TMEM132B: variants seen among roughly 807,000 people sequenced by gnomAD.
TMEM132B encodes the protein transmembrane protein 132B.
A neutral mutation model predicts 90.8 loss-of-function variants in TMEM132B; 18 were observed. The observed-to-expected ratio is 0.20, with a 90% CI of 0.14 to 0.29. The LOEUF is 0.29. Among genes scored for constraint, TMEM132B ranks in the 10% least tolerant of loss-of-function variants. The pLI is 1.00. For missense variants in TMEM132B, 1,096 were observed against 1,326.8 expected (o/e 0.83, Z 2.70); for synonymous variants, 504 against 523.3 (o/e 0.96, Z 0.50).
At chr12:125,644,518 T>C (rs545254056) in intron 6 of TMEM132B, among the ~76,000 whole-genome samples, 126 of 152,340 alleles carry the variant, frequency 8.3e-4, no homozygotes, top group Non-Finnish European at 1.6e-3. Context: ...GAATAGTTGC[T>C]AGGATTCAGT....
intron 5 of TMEM132B, among the ~76,000 whole-genome samples, chr12:125,605,295 A>T (rs1885666085): frequency 6.6e-6 from 1 of 152,184 alleles, no homozygotes; most frequent in Non-Finnish European, 1.5e-5. Context: ...ATATCGGGAC[A>T]CATTCCCTTG....
At chr12:125,259,004 A>G (rs1054923815) in intron 1 of TMEM132B, among the ~76,000 whole-genome samples, 11 of 152,124 alleles carry the variant, frequency 7.2e-5, no homozygotes, top group Non-Finnish European at 4.4e-5. Context: ...CAACAACACC[A>G]TGGCCAGTTG....
intron 1 of TMEM132B, among the ~76,000 whole-genome samples, chr12:125,193,005 A>G (rs1157259404): frequency 5.9e-5 from 9 of 152,178 alleles, no homozygotes; most frequent in African/African-American, 1.9e-4. Flanking sequence ...TGCTGATGCC[A>G]TTGTTGTGCT....
At chr12:125,238,203 C>T (rs1018474595) in intron 1 of TMEM132B, among the ~76,000 whole-genome samples, 2 of 151,460 alleles carry the variant, frequency 1.3e-5, no homozygotes, top group East Asian at 1.9e-4. Flanking sequence ...CTCAAGTGGT[C>T]GCCTCTGTTT....
intron 1 of TMEM132B, among the ~76,000 whole-genome samples, chr12:125,347,992 G>A (rs77862172): frequency 0.043 from 6,604 of 152,082 alleles, 468 homozygotes; most frequent in African/African-American, 0.15. Flanking sequence ...AAAAACTTTC[G>A]CCTTTGGGTT....
chr12:125,315,698 G>A (rs10744202), intron 1 of TMEM132B, among the ~76,000 whole-genome samples: 112,013 of 152,104 alleles, frequency 0.74, 42,261 homozygotes, highest in African/African-American at 0.89. Context: ...TAGAGCTGGG[G>A]TTGGAGCCTC....
At position 125,408,586 on chromosome 12, in the gene TMEM132B, T is replaced by C. The variant is rs1444769030; in HGVS notation, c.960-6945T>C. On this transcript the variant is annotated intron_variant, in intron 2 of 8. Coordinates refer to ENST00000682704, the MANE Select transcript of TMEM132B (RefSeq NM_001366854.1). This position sits in a 1 kb window ranked among gnomAD's most constrained non-coding sequence, Gnocchi z 5.9. Reference sequence around the variant, plus strand: ...TCTGTTGTTTATAAGCCTCCAAGTTTGTGGTATTTTGTTAGACTGTCCCGA... The same window carrying C: ...TCTGTTGTTTATAAGCCTCCAAGTTCGTGGTATTTTGTTAGACTGTCCCGA... Among the ~76,000 whole-genome samples the C allele has an allele frequency of 6.6e-6, 1 of 152,200 alleles. No homozygotes were observed. Among genetic ancestry groups the C allele is most frequent in the Non-Finnish European group, 1.5e-5 (1 of 68,036 alleles).
chr12:125,339,930 C>A (rs948427487), intron 1 of TMEM132B, among the ~76,000 whole-genome samples: 24 of 152,170 alleles, frequency 1.6e-4, no homozygotes, highest in African/African-American at 5.5e-4. Flanking sequence ...CCATAACACT[C>A]CTACATAATA....
intron 5 of TMEM132B, among the ~76,000 whole-genome samples, chr12:125,639,486 C>T (rs1489318196): frequency 6.6e-6 from 1 of 152,168 alleles, no homozygotes; most frequent in Non-Finnish European, 1.5e-5. Flanking sequence ...ACTTCTATGG[C>T]GCTGTGCTAT....
chr12:125,226,084 T>C (rs956862297), intron 1 of TMEM132B, among the ~76,000 whole-genome samples: 1 of 152,276 alleles, frequency 6.6e-6, no homozygotes, highest in East Asian at 1.9e-4. Context: ...TGTCCTTGTG[T>C]GTACCTCTTT....
At chr12:125,360,293 C>A (rs1386703389) in intron 2 of TMEM132B, among the ~76,000 whole-genome samples, 1 of 152,164 alleles carries the variant, frequency 6.6e-6, no homozygotes, top group Non-Finnish European at 1.5e-5. Flanking sequence ...TAATTTTACA[C>A]ACATTGAACC....
intron 1 of TMEM132B, among the ~76,000 whole-genome samples, chr12:125,340,603 T>A (rs1239407778): frequency 6.6e-6 from 1 of 152,216 alleles, no homozygotes; most frequent in Non-Finnish European, 1.5e-5. Context: ...TTCAACTGTC[T>A]CTGTAAAATA....
At chr12:125,605,899 G>T (rs1032316816) in intron 5 of TMEM132B, among the ~76,000 whole-genome samples, 1 of 152,164 alleles carries the variant, frequency 6.6e-6, no homozygotes, top group Non-Finnish European at 1.5e-5. Flanking sequence ...GGAAGAATTA[G>T]ATATGGGCAG....
intron 4 of TMEM132B, among the ~76,000 whole-genome samples, chr12:125,565,597 G>A (rs1348032393): frequency 6.6e-6 from 1 of 152,212 alleles, no homozygotes; most frequent in Non-Finnish European, 1.5e-5. Context: ...CTCTCAGCAG[G>A]ATGGGTGGGG....
chr12:125,596,797 A>G (rs906957785), intron 5 of TMEM132B, among the ~76,000 whole-genome samples: 3 of 152,192 alleles, frequency 2.0e-5, no homozygotes, highest in Non-Finnish European at 2.9e-5. Flanking sequence ...TATTTCACAC[A>G]ATTTCTTGAC....
chr12:125,551,028 G>T (rs1884216227), intron 4 of TMEM132B, among the ~76,000 whole-genome samples: 1 of 152,224 alleles, frequency 6.6e-6, no homozygotes, highest in Non-Finnish European at 1.5e-5. Context: ...GGCCAGGCTG[G>T]TCTTAAACTC....
chr12:125,349,002 T>C lies in TMEM132B; in HGVS notation c.68-450T>C, dbSNP rs1038514803. 3.3e-5 allele frequency among the ~76,000 whole-genome samples: 5 copies of C among 152,244 alleles called. No individual in the cohort carries two copies. Among genetic ancestry groups the C allele is most frequent in the African/African-American group, 1.2e-4 (5 of 41,468 alleles). On this transcript the variant is annotated intron_variant, in intron 1 of 8. Transcript: ENST00000682704. This position sits in a 1 kb window ranked among gnomAD's most constrained non-coding sequence, Gnocchi z 4.1. Reference sequence around the variant, plus strand: ...GATGTCATCATGTCCACGTAGATTGTACTTATAGAAGTGATAGAGAGCAGC... The same window carrying C: ...GATGTCATCATGTCCACGTAGATTGCACTTATAGAAGTGATAGAGAGCAGC...
intron 4 of TMEM132B, among the ~76,000 whole-genome samples, chr12:125,535,271 A>C (rs1472162627): frequency 6.6e-6 from 1 of 152,052 alleles, no homozygotes; most frequent in South Asian, 2.1e-4. Flanking sequence ...TTGTGTTGAG[A>C]ATTTTTGACT....
chr12:125,193,284 G>A (rs539797286), intron 1 of TMEM132B, among the ~76,000 whole-genome samples: 1 of 152,312 alleles, frequency 6.6e-6, no homozygotes, highest in Admixed American at 6.5e-5. Context: ...CTCAAGATAA[G>A]TCAATCCATG....
Sources: gnomAD v4.1 joint callset for allele counts (sites outside exome capture counted in the v4.1 genomes callset) on GRCh38, gnomAD v4.1.1 for gene constraint, Gnocchi (gnomAD v3.1) non-coding constraint, MANE v1.5 for transcripts, NCBI Gene and HGNC (gene_info 2026-07-23, HGNC 2026-07-21) for gene names.